PARD3B: variants seen among roughly 807,000 people sequenced by gnomAD.
PARD3B encodes the protein partitioning defective 3 homolog B.
PARD3B carries 103 observed loss-of-function variants against 130.2 expected under a neutral mutation model. That is an observed-to-expected ratio of 0.79 (90% confidence interval 0.67 to 0.93). The LOEUF (loss-of-function observed/expected upper bound fraction) is 0.93, where lower values mean the gene tolerates loss of function less well. Among genes scored for constraint, PARD3B ranks in the 40% least tolerant of loss-of-function variants. PARD3B has a pLI of 0.00. For synonymous variants in PARD3B, 583 were observed against 553.2 expected (o/e 1.05, Z -0.76); for missense variants, 1,609 against 1,499.2 (o/e 1.07, Z -1.21).
intron 1 of PARD3B, among the ~76,000 whole-genome samples, chr2:204,643,347 G>A (rs1416795880): frequency 6.6e-6 from 1 of 151,830 alleles, no homozygotes; most frequent in East Asian, 1.9e-4. Flanking sequence ...ACTCCCCATT[G>A]CCTTCCAGGG....
At chr2:204,654,067 G>A (rs753083049) in intron 1 of PARD3B, among the ~76,000 whole-genome samples, 62 of 151,158 alleles carry the variant, frequency 4.1e-4, no homozygotes, top group Non-Finnish European at 5.4e-4. Flanking sequence ...GCATCTTCAC[G>A]TCTTATTGTG....
Position 205,615,836 on chromosome 2 carries a change from C to T in PARD3B, c.*23C>T, listed in dbSNP as rs115902904. 6.7e-4 allele frequency: 1,065 copies of T among 1,578,482 alleles called. 4 individuals carry two copies. In the African/African-American group the frequency reaches 0.013, roughly 19 times the overall value. ...TAGCTGAGTGCCACCGAGGCCAGCC[C>T]GGTCCAGAAAGGAAGGTGTCTACTC... On this transcript the variant is annotated 3_prime_UTR_variant, in exon 23 of 23. Transcript: ENST00000406610.
At chr2:204,763,125 C>T (rs926850959) in intron 2 of PARD3B, among the ~76,000 whole-genome samples, 1 of 152,228 alleles carries the variant, frequency 6.6e-6, no homozygotes, top group African/African-American at 2.4e-5. Flanking sequence ...ATTGTATAAC[C>T]CTATAACATA....
intron 18 of PARD3B, among the ~76,000 whole-genome samples, chr2:205,322,309 C>G (rs1219571934): frequency 6.6e-6 from 1 of 152,156 alleles, no homozygotes; most frequent in Non-Finnish European, 1.5e-5. Flanking sequence ...TTATTTACAT[C>G]TGTTAGGTAG....
chr2:204,939,796 AC>A (rs1228585314), intron 2 of PARD3B, among the ~76,000 whole-genome samples: 3 of 152,076 alleles, frequency 2.0e-5, no homozygotes, highest in African/African-American at 7.2e-5. Flanking sequence ...CTTTAGGGAA[AC>A]CCTACCACCT....
chr2:205,359,407 T>C (rs1253975729), intron 18 of PARD3B, among the ~76,000 whole-genome samples: 2 of 152,212 alleles, frequency 1.3e-5, no homozygotes, highest in African/African-American at 4.8e-5. Context: ...TCTGTTTCCA[T>C]TAGAGTCATA....
intron 19 of PARD3B, among the ~76,000 whole-genome samples, chr2:205,420,366 G>A (rs1468098652): frequency 6.6e-6 from 1 of 152,072 alleles, no homozygotes; most frequent in Non-Finnish European, 1.5e-5. Context: ...TTTTCCTTTG[G>A]GGCAGGTACT....
intron 16 of PARD3B, among the ~76,000 whole-genome samples, chr2:205,299,954 T>G (rs922920278): frequency 3.9e-5 from 6 of 152,184 alleles, no homozygotes; most frequent in Non-Finnish European, 8.8e-5. Flanking sequence ...TAAGGTAAAG[T>G]GTTTAATTAG....
chr2:204,931,204 C>A (rs1688005974), intron 2 of PARD3B, among the ~76,000 whole-genome samples: 1 of 152,132 alleles, frequency 6.6e-6, no homozygotes, highest in Non-Finnish European at 1.5e-5. Flanking sequence ...AATTGCCTTA[C>A]TTCAAATCCC....
intron 2 of PARD3B, among the ~76,000 whole-genome samples, chr2:204,845,838 T>C (rs1187219266): frequency 7.2e-5 from 11 of 152,144 alleles, no homozygotes; most frequent in Admixed American, 7.2e-4. Context: ...TAGATATAAG[T>C]GATCTGAAAA....
chr2:205,545,198 A>G (rs1425176724), intron 21 of PARD3B, among the ~76,000 whole-genome samples: 1 of 152,216 alleles, frequency 6.6e-6, no homozygotes, highest in Non-Finnish European at 1.5e-5. Flanking sequence ...TAAACATCCT[A>G]TTTTGATGAG....
chr2:205,139,600 A>C (rs1345461193), intron 10 of PARD3B, among the ~76,000 whole-genome samples: 1 of 152,190 alleles, frequency 6.6e-6, no homozygotes, highest in Non-Finnish European at 1.5e-5. Context: ...AAGGAAATTA[A>C]ACAAAGATGA....
chr2:204,873,492 C>T (rs1169054593), intron 2 of PARD3B, among the ~76,000 whole-genome samples: 1 of 152,066 alleles, frequency 6.6e-6, no homozygotes, highest in Non-Finnish European at 1.5e-5. Flanking sequence ...CAGGACTTTC[C>T]TAAGCACGTA....
rs185903915 is a variant in PARD3B at position 204,699,766 on chromosome 2, A to C, written c.222+13484A>C. On this transcript the variant is annotated intron_variant, in intron 2 of 22. Transcript: ENST00000406610. The stretch of plus-strand genomic sequence containing the variant: ...ATTTACATGACTCTTTCCCAAATGG[A>C]AACTTATTTCCCAAATGGAAATAAG... 5.0e-3 allele frequency among the ~76,000 whole-genome samples: 761 copies of C among 151,228 alleles called. 6 individuals are homozygous for C. The highest frequency in any genetic ancestry group is 0.018 in the African/African-American group (739 of 40,610).
chr2:205,361,865 T>C (rs935178558), intron 18 of PARD3B, among the ~76,000 whole-genome samples: 1 of 152,156 alleles, frequency 6.6e-6, no homozygotes, highest in African/African-American at 2.4e-5. Flanking sequence ...TTCCTTTTAT[T>C]TGCCTCTACC....
In PARD3B at chr2:204,958,771, A is replaced by C. The variant is rs541843060; in HGVS notation, c.223-6381A>C. Among the ~76,000 whole-genome samples the C allele has an allele frequency of 9.2e-5, 14 of 152,264 alleles. 1 individual carries two copies. The highest frequency in any genetic ancestry group is 1.9e-4 in the East Asian group (1 of 5,176). On this transcript the variant is annotated intron_variant, in intron 2 of 22. Transcript: ENST00000406610. ...TTCTACCCTATTCCTTCTCACCCCC[A>C]AAAACACTCACATGTTCACACACAC...
intron 15 of PARD3B, among the ~76,000 whole-genome samples, chr2:205,198,207 T>C (rs2036797573): frequency 6.6e-6 from 1 of 152,196 alleles, no homozygotes. Context: ...CCCACGCCCA[T>C]TTCAGAAGGG....
At chr2:204,634,351 A>T (rs1482449434) in intron 1 of PARD3B, among the ~76,000 whole-genome samples, 1 of 152,174 alleles carries the variant, frequency 6.6e-6, no homozygotes, top group Non-Finnish European at 1.5e-5. Context: ...ATAGTACCCC[A>T]TTGTGTATAT....
intron 1 of PARD3B, among the ~76,000 whole-genome samples, chr2:204,682,150 C>G (rs1318000876): frequency 6.6e-6 from 1 of 152,048 alleles, no homozygotes; most frequent in Non-Finnish European, 1.5e-5. Context: ...GCACCCGAGG[C>G]CCAGAATAAT....
Sources: gnomAD v4.1 joint callset for allele counts (sites outside exome capture counted in the v4.1 genomes callset) on GRCh38, gnomAD v4.1.1 for gene constraint, MANE v1.5 for transcripts, NCBI Gene and HGNC (gene_info 2026-07-23, HGNC 2026-07-21) for gene names.